CD5: variants seen among roughly 807,000 people sequenced by gnomAD.
CD5 encodes CD5 molecule.
A neutral mutation model predicts 60.3 loss-of-function variants in CD5; 36 were observed. That is an observed-to-expected ratio of 0.60 (90% CI 0.46 to 0.79). The LOEUF (loss-of-function observed/expected upper bound fraction) is 0.79. Ranked by LOEUF, CD5 falls within the 30% of genes least tolerant of loss-of-function variation. CD5 has a pLI of 0.00. For missense variants in CD5, 540 were observed against 630.6 expected (o/e 0.86, Z 1.54); for synonymous variants, 230 against 257.6 (o/e 0.89, Z 1.03).
At chr11:61,095,286 C>T in the CD5 span, among the ~76,000 whole-genome samples, 1 of 152,146 alleles carries the variant, frequency 6.6e-6, no homozygotes, top group Non-Finnish European at 1.5e-5. Context: ...AGCTCGCTTA[C>T]AGCCCAAGAC....
At chr11:61,099,879 TACAC>T (rs1254724351), upstream of CD5, among the ~76,000 whole-genome samples, 2 of 134,102 alleles carry the variant, frequency 1.5e-5, no homozygotes, top group African/African-American at 2.9e-5. Context: ...ATGGAGATCA[TACAC>T]ACACATCAAC....
At chr11:61,095,155 G>A in the CD5 span, among the ~76,000 whole-genome samples, 25 of 152,092 alleles carry the variant, frequency 1.6e-4, no homozygotes, top group Non-Finnish European at 2.8e-4. Context: ...TCCTTATCAA[G>A]AGGAAGGGCT....
chr11:61,111,426 T>C (rs1860854036), intron 1 of CD5, among the ~76,000 whole-genome samples: 1 of 152,114 alleles, frequency 6.6e-6, no homozygotes, highest in African/African-American at 2.4e-5. Flanking sequence ...AACAACAATA[T>C]CTGTGATGAA....
chr11:61,122,055 C>G (rs1861068637), intron 6 of CD5, 151 bp downstream of exon 6: 1 of 606,868 alleles, frequency 1.6e-6, no homozygotes, highest in Non-Finnish European at 2.6e-6. Context: ...AATTGGAAGG[C>G]TAGGGAGCAA....
the CD5 span, among the ~76,000 whole-genome samples, chr11:61,094,985 G>A: frequency 1.4e-4 from 21 of 152,104 alleles, no homozygotes; most frequent in South Asian, 8.3e-4. Context: ...TGGACCCCCC[G>A]CAGTGGTTAA....
chr11:61,097,845 C>T (rs1023731360), upstream of CD5, among the ~76,000 whole-genome samples: 4 of 152,106 alleles, frequency 2.6e-5, no homozygotes, highest in African/African-American at 7.2e-5. Flanking sequence ...CCGAATCATA[C>T]GGTTACAAGC....
chr11:61,107,918 C>T (rs1473515181), intron 1 of CD5, among the ~76,000 whole-genome samples: 4 of 152,126 alleles, frequency 2.6e-5, no homozygotes, highest in Non-Finnish European at 4.4e-5. Context: ...TCCTTCTGGC[C>T]CCAGTTTCCC....
rs1861016183 is a variant in CD5, at chr11:61,119,294, A to T, written c.524A>T (p.Glu175Val). Residue 175 changes from glutamate to valine, a missense_variant, in exon 5 of 11, where the codon GAG (glutamate) becomes GTG (valine). Transcript: ENST00000347785. ...GGCCAGCACTGTGCCGGCGTGGTGG[A>T]GTTCTACAGCGGCAGCCTGGGGGGT... Reference protein sequence around the residue: ...SGGQHCAGVVEFYSGSLGGTI... With the variant: ...SGGQHCAGVVVFYSGSLGGTI... 5 of 1,613,638 alleles carry T rather than the reference A, an allele frequency of 3.1e-6. No homozygotes were observed. The highest frequency in any genetic ancestry group is 4.2e-6 in the Non-Finnish European group (5 of 1,179,992).
At chr11:61,100,833 C>T (rs1860666382), upstream of CD5, among the ~76,000 whole-genome samples, 1 of 140,152 alleles carries the variant, frequency 7.1e-6, no homozygotes, top group African/African-American at 2.7e-5. Flanking sequence ...ATTACACACA[C>T]ATCAACATGG....
chr11:61,108,950 G>A (rs534639628), intron 1 of CD5, among the ~76,000 whole-genome samples: 4 of 152,252 alleles, frequency 2.6e-5, no homozygotes, highest in Non-Finnish European at 4.4e-5. Context: ...CTGTGAATCC[G>A]GGTGCCTGCC....
At chr11:61,126,047 A>G (rs745698855) in intron 10 of CD5, among the ~76,000 whole-genome samples, 1 of 152,262 alleles carries the variant, frequency 6.6e-6, no homozygotes, top group East Asian at 1.9e-4. Flanking sequence ...CAGAGCAATC[A>G]TGAACTTTAA....
intron 2 of CD5, among the ~76,000 whole-genome samples, chr11:61,116,442 ACAC>A (rs1457787791): frequency 1.8e-4 from 25 of 137,996 alleles, no homozygotes; most frequent in African/African-American, 5.2e-4. Flanking sequence ...CCACACACAC[ACAC>A]CACCACAAAC....
rs563969001 is a variant in CD5, at chr11:61,114,190, C to T, written c.56-866C>T. ...GCTGTGGCATAATCATAGCTCACTG[C>T]AGGGTCCAACTTCTGGGCTCAAGCG... On this transcript the variant is annotated intron_variant, in intron 1 of 10. Transcript: ENST00000347785. 2.6e-5 allele frequency among the ~76,000 whole-genome samples: 4 copies of T among 152,282 alleles called. No homozygotes were observed. In the South Asian group the frequency reaches 6.2e-4, roughly 24 times the overall value.
At chr11:61,108,515 CT>C (rs1208265416) in intron 1 of CD5, among the ~76,000 whole-genome samples, 2 of 152,206 alleles carry the variant, frequency 1.3e-5, no homozygotes, top group Admixed American at 6.5e-5. Flanking sequence ...AATTTTGGTC[CT>C]TTACGACCTT....
intron 6 of CD5, 84 bp from the exon 7 acceptor site, chr11:61,122,823 G>A (rs944771533): frequency 1.9e-5 from 27 of 1,435,886 alleles, no homozygotes; most frequent in East Asian, 4.6e-5. Context: ...GGATGACGGC[G>A]GAAGCCAGGC....
At chr11:61,116,637 CCA>C (rs1565185114) in intron 2 of CD5, among the ~76,000 whole-genome samples, 16 of 140,558 alleles carry the variant, frequency 1.1e-4, no homozygotes, top group African/African-American at 1.6e-4. Flanking sequence ...ACCACACACA[CCA>C]CACACACCCC....
At chr11:61,124,021 G>C (rs1668171982) in intron 8 of CD5, 84 bp downstream of exon 8, 5 of 1,103,410 alleles carry the variant, frequency 4.5e-6, no homozygotes, top group Admixed American at 3.7e-5. Context: ...GCTGACCACA[G>C]ACGGAGCCTG....
At chr11:61,106,428 G>C (rs1860780271) in intron 1 of CD5, among the ~76,000 whole-genome samples, 1 of 152,164 alleles carries the variant, frequency 6.6e-6, no homozygotes, top group South Asian at 2.1e-4. Context: ...GCTCCTACTG[G>C]GAGCAGGGCA....
At chr11:61,112,006 T>C (rs1201975540) in intron 1 of CD5, among the ~76,000 whole-genome samples, 1 of 152,152 alleles carries the variant, frequency 6.6e-6, no homozygotes, top group Admixed American at 6.5e-5. Context: ...CCAGACTCTA[T>C]AGGCAGGAAG....
Sources: gnomAD v4.1 joint callset for allele counts (sites outside exome capture counted in the v4.1 genomes callset) on GRCh38, gnomAD v4.1.1 for gene constraint, MANE v1.5 for transcripts, NCBI Gene and HGNC (gene_info 2026-07-23, HGNC 2026-07-21) for gene names.